The following SREBF2 variants were observed in gnomAD, a reference collection of about 807,000 sequenced individuals.
SREBF2 encodes the protein sterol regulatory element binding transcription factor 2.
SREBF2 carries 55 observed loss-of-function variants against 113.1 expected under a neutral mutation model. That is an observed-to-expected ratio of 0.49 (90% CI 0.39 to 0.61). The LOEUF is 0.61. SREBF2 is among the 20% of genes least tolerant of loss of function. The pLI, the probability that SREBF2 is intolerant of heterozygous loss-of-function variation, is 0.00. For missense variants in SREBF2, 1,349 were observed against 1,487.4 expected (o/e 0.91, Z 1.53); for synonymous variants, 593 against 605.7 (o/e 0.98, Z 0.31).
chr22:41,905,534 C>A lies in SREBF2; in HGVS notation c.3300C>A (p.Gly1100=), dbSNP rs908220430. 1 of 1,588,386 alleles carries A rather than the reference C, an allele frequency of 6.3e-7. No homozygotes were observed. The highest frequency in any genetic ancestry group is 8.6e-7 in the Non-Finnish European group (1 of 1,168,008). Residue 1100 remains glycine (G), a synonymous_variant, in exon 19 of 19, where the codon GGC becomes GGA. Coordinates refer to ENST00000361204, the MANE Select transcript of SREBF2 (RefSeq NM_004599.4). ...CCCTCTCCTTCCTCTCCTCCCCGGGCCAGCGGGCAGTGCTGCTGGCCGAAG... is the reference window on the plus strand; with the variant it reads ...CCCTCTCCTTCCTCTCCTCCCCGGGACAGCGGGCAGTGCTGCTGGCCGAAG... ...HLPLSFLSSP[G]QRAVLLAEAA...
Position 41,875,575 on chromosome 22 carries a change from G to T in SREBF2, c.1237G>T (p.Val413Leu). ...AAAGGGCATCGACCTAGGCAGTCTGGTGGACAATGAGGTGGACCTGAAGAT... is the reference window on the plus strand; with the variant it reads ...AAAGGGCATCGACCTAGGCAGTCTGTTGGACAATGAGGTGGACCTGAAGAT... ...LLKGIDLGSLVDNEVDLKIED... is the reference protein window; with the variant it reads ...LLKGIDLGSLLDNEVDLKIED... The change falls in exon 7 of 19, where the codon GTG becomes TTG. Residue 413 changes from valine (V) to leucine (L), a missense_variant. Transcript: ENST00000361204. The T allele has an allele frequency of 1.2e-6, 2 of 1,614,224 alleles. No homozygotes were observed. Among genetic ancestry groups the T allele is most frequent in the Non-Finnish European group, 1.7e-6 (2 of 1,180,040 alleles).
intron 10 of SREBF2, 151 bp from the exon 11 acceptor site, chr22:41,884,691 G>A: frequency 3.7e-6 from 3 of 802,938 alleles, no homozygotes; most frequent in Non-Finnish European, 6.4e-6. Context: ...ACAGAGCCTG[G>A]CATCCCATCC....
At chr22:41,898,972 A>G (rs1022512166) in intron 15 of SREBF2, 191 bp downstream of exon 15, 2 of 818,268 alleles carry the variant, frequency 2.4e-6, no homozygotes, top group Non-Finnish European at 3.9e-6. Context: ...CCTCTGTGCA[A>G]GTGTCCTGCT....
chr22:41,877,986 T>A lies in SREBF2; in HGVS notation c.1624T>A (p.Trp542Arg), dbSNP rs1324134701. 6.2e-7 allele frequency: 1 copy of A among 1,614,204 alleles called. No individual in the cohort carries two copies. Among genetic ancestry groups the A allele is most frequent in the Non-Finnish European group, 8.5e-7 (1 of 1,180,034 alleles). Residue 542 changes from tryptophan (W) to arginine (R), a missense_variant, in exon 9 of 19, where the codon TGG (tryptophan) becomes AGG (arginine). By Grantham distance (101) the Trp-to-Arg change is moderately radical. This residue lies in a region of SREBF2 where 699 missense variants were observed against 843.3 expected (regional missense o/e 0.83). Coordinates refer to ENST00000361204, the MANE Select transcript of SREBF2 (RefSeq NM_004599.4). ...CTGGATGATGCCTACTCTTCTCTTA[T>A]GGCTGGTAAATGGTGTGATTGTCCT... is the stretch of plus-strand genomic sequence containing the variant. ...FDWMMPTLLL[W>R]LVNGVIVLSV...
intron 12 of SREBF2, 98 bp downstream of exon 12, chr22:41,893,383 T>C: frequency 7.4e-7 from 1 of 1,359,026 alleles, no homozygotes; most frequent in Non-Finnish European, 1.0e-6. Flanking sequence ...ACGGGTTGTC[T>C]CTTAATCTTG....
intron 1 of SREBF2, among the ~76,000 whole-genome samples, chr22:41,834,215 C>T (rs973298553): frequency 6.6e-6 from 1 of 152,112 alleles, no homozygotes; most frequent in African/African-American, 2.4e-5. Flanking sequence ...AGTTCCTTGG[C>T]CAGTATTGGT....
At chr22:41,870,488 T>C in intron 3 of SREBF2, among the ~76,000 whole-genome samples, 1 of 152,028 alleles carries the variant, frequency 6.6e-6, no homozygotes, top group East Asian at 1.9e-4. Flanking sequence ...TAGCCAGGCA[T>C]GGTGGCACAC....
In SREBF2 at chr22:41,868,660, G is replaced by A. The variant is rs776085622; in HGVS notation, c.588G>A (p.Pro196=). The change falls in exon 3 of 19, where the codon CCG becomes CCA. Residue 196 remains proline (P), a synonymous_variant. Transcript: ENST00000361204. ...TGGTGACATCCTCCCAGGTACAGCC[G>A]GTCACCATTCAGCAGCAGGTGCAGA... ...QSLVTSSQVQ[P]VTIQQQVQTV... The A allele has an allele frequency of 2.4e-5, 38 of 1,614,052 alleles. No homozygotes were observed. The highest frequency in any genetic ancestry group is 3.0e-5 in the Non-Finnish European group (35 of 1,180,048).
intron 1 of SREBF2, among the ~76,000 whole-genome samples, chr22:41,857,720 C>T (rs1161229036): frequency 6.6e-6 from 1 of 152,188 alleles, no homozygotes; most frequent in Non-Finnish European, 1.5e-5. Context: ...AGACTCTTCG[C>T]AGGAAGGTGA....
intron 10 of SREBF2, among the ~76,000 whole-genome samples, chr22:41,881,994 C>T (rs1355751429): frequency 6.6e-6 from 1 of 151,946 alleles, no homozygotes; most frequent in African/African-American, 2.4e-5. Flanking sequence ...ATCACTGGAG[C>T]CTGGGAGATC....
intron 1 of SREBF2, among the ~76,000 whole-genome samples, chr22:41,864,241 TA>T (rs2077050902): frequency 1.1e-5 from 1 of 90,648 alleles, no homozygotes; most frequent in Admixed American, 1.5e-4. Context: ...TATATATATA[TA>T]TATATATATA....
chr22:41,905,159 C>T lies in SREBF2; in HGVS notation c.3205+185C>T, dbSNP rs564427367. Among the ~76,000 whole-genome samples, 8 of 152,346 alleles carry T rather than the reference C, an allele frequency of 5.3e-5. No homozygotes were observed. In the South Asian group the frequency reaches 1.2e-3, roughly 24 times the overall value. ...TGCAGGGGTTGGGGTGGTCATGGGT[C>T]ATGCTGTGATCAGGGAAGGAGGGTT... On this transcript the variant is annotated intron_variant, in intron 18 of 18. Transcript: ENST00000361204.
intron 16 of SREBF2, 46 bp from the exon 17 acceptor site, chr22:41,902,924 G>A (rs936631385): frequency 3.7e-5 from 59 of 1,577,078 alleles, no homozygotes; most frequent in South Asian, 9.2e-5. Context: ...TTGCCTCAGG[G>A]ATGGGCCAGT....
chr22:41,890,698 C>T (rs1175158296), intron 11 of SREBF2, among the ~76,000 whole-genome samples: 1 of 149,598 alleles, frequency 6.7e-6, no homozygotes, highest in Non-Finnish European at 1.5e-5. Flanking sequence ...CTTGGGATTA[C>T]AAGCCAAGCC....
intron 9 of SREBF2, among the ~76,000 whole-genome samples, chr22:41,880,464 G>A (rs2077234788): frequency 1.3e-5 from 2 of 150,988 alleles, no homozygotes; most frequent in Admixed American, 6.6e-5. Flanking sequence ...TAGAACAAAC[G>A]CACGCAGTAC....
chr22:41,895,057 C>A, intron 13 of SREBF2, 120 bp downstream of exon 13: 1 of 752,028 alleles, frequency 1.3e-6, no homozygotes. Flanking sequence ...GCAGGGCAAT[C>A]AAATGGTTCC....
chr22:41,859,828 TGAGACGGAGTCTCGCTCTGTCACCCAGGC>T (rs2077009903), intron 1 of SREBF2, among the ~76,000 whole-genome samples: 1 of 127,796 alleles, frequency 7.8e-6, no homozygotes, highest in African/African-American at 3.4e-5. Context: ...TTTTTTTTTT[TGAGACGGAGTCTCGCTCTGTCACCCAGGC>T]TGGAGTGCAG....
rs1317692818 is a variant in SREBF2, at chr22:41,877,305, C to T, written c.1463C>T (p.Thr488Ile). 6.2e-7 allele frequency: 1 copy of T among 1,614,246 alleles called. No homozygotes were observed. The highest frequency in any genetic ancestry group is 1.1e-5 in the South Asian group (1 of 91,092). Residue 488 changes from threonine (T) to isoleucine (I), a missense_variant, in exon 8 of 19, where the codon ACC becomes ATC. Coordinates refer to ENST00000361204, the MANE Select transcript of SREBF2 (RefSeq NM_004599.4). ...DRSRILLCVL[T>I]FLCLSFNPLT... is the part of the protein sequence containing the mutation. The stretch of plus-strand genomic sequence containing the variant: ...TCACGGATTCTTCTGTGTGTCCTCA[C>T]CTTCCTGTGCCTCTCCTTTAACCCC...
intron 11 of SREBF2, among the ~76,000 whole-genome samples, chr22:41,890,207 T>C (rs1251450608): frequency 6.6e-6 from 1 of 152,136 alleles, no homozygotes; most frequent in Non-Finnish European, 1.5e-5. Context: ...ACCTCAAGCT[T>C]TGGAATCAGA....
Sources: gnomAD v4.1 joint callset for allele counts (sites outside exome capture counted in the v4.1 genomes callset) on GRCh38, gnomAD v4.1.1 for gene constraint, gnomAD v4.1.1 regional missense constraint, MANE v1.5 for transcripts, NCBI Gene and HGNC (gene_info 2026-07-23, HGNC 2026-07-21) for gene names.